Variants in PXN observed in about 807,000 individuals in gnomAD.
The protein encoded by PXN is testicular tissue protein Li 134.
In PXN, 61 loss-of-function variants were observed where a neutral mutation model predicts 103.6. The observed-to-expected ratio is 0.59, with a 90% CI of 0.48 to 0.73. The LOEUF (loss-of-function observed/expected upper bound fraction) is 0.73. Ranked by LOEUF, PXN falls within the 30% of genes least tolerant of loss-of-function variation. PXN has a pLI of 0.00. For missense variants in PXN, 1,274 were observed against 1,460.3 expected (o/e 0.87, Z 2.08); for synonymous variants, 562 against 607.8 (o/e 0.92, Z 1.11).
chr12:120,252,269 G>A (rs1892312952), intron 1 of PXN, among the ~76,000 whole-genome samples: 1 of 152,160 alleles, frequency 6.6e-6, no homozygotes, highest in Non-Finnish European at 1.5e-5. Context: ...AGTGCTTGGT[G>A]GCAAGGGGTA....
In PXN at chr12:120,228,537, C is replaced by T. The variant is rs1201313241; in HGVS notation, c.14-4160G>A. 6.6e-6 allele frequency among the ~76,000 whole-genome samples: 1 copy of T among 152,238 alleles called. No individual in the cohort carries two copies. The highest frequency in any genetic ancestry group is 6.5e-5 in the Admixed American group (1 of 15,288). The stretch of plus-strand genomic sequence containing the variant: ...CCACCAGAGGGCACCATTGGCCCGT[C>T]AGCTTCTTGCCACTGGGTAACCTCG... On this transcript the variant is annotated intron_variant, in intron 1 of 14. Transcript: ENST00000637617. This position sits in a 1 kb window ranked among gnomAD's most constrained non-coding sequence, Gnocchi z 4.7.
In PXN at chr12:120,224,437, C is replaced by G. The variant is rs1162462034; in HGVS notation, c.14-60G>C. ...CGGGATCCTGGGGACTCTCCCGTGG[C>G]AGGGCCCTCCCTGCCTGCACCTCAA... On this transcript the variant is annotated intron_variant, in intron 1 of 14. Transcript: ENST00000637617. The surrounding 1 kb of genome is among the most constrained non-coding windows in gnomAD (Gnocchi z 5.0). The G allele has an allele frequency of 8.0e-7, 1 of 1,254,100 alleles. No individual in the cohort carries two copies. Among genetic ancestry groups the G allele is most frequent in the Non-Finnish European group, 1.2e-6 (1 of 854,330 alleles). The allele number at this position is 1,254,100 out of a possible 1,614,324, so 77.7% of individuals were successfully genotyped here. A position where few individuals can be genotyped will look rare whatever the true frequency, so the allele number is the denominator to read the frequency against.
Position 120,224,044 on chromosome 12 carries a change from C to T in PXN, c.240+107G>A, listed in dbSNP as rs1437031894. The T allele has an allele frequency of 5.5e-5, 52 of 953,744 alleles. 1 individual carries two copies. Among genetic ancestry groups the T allele is most frequent in the South Asian group, 3.9e-4 (23 of 59,488 alleles). The allele number at this position is 953,744 out of a possible 1,614,324, so 59.1% of individuals were successfully genotyped here. On this transcript the variant is annotated intron_variant, in intron 2 of 14. Transcript: ENST00000637617. This position sits in a 1 kb window ranked among gnomAD's most constrained non-coding sequence, Gnocchi z 5.0. Reference sequence around the variant, plus strand: ...AGAGCAGTGTCTGGTTGGGAAGGGTCGACTGCCCCAATTCCATTCCATCCC... The same window carrying T: ...AGAGCAGTGTCTGGTTGGGAAGGGTTGACTGCCCCAATTCCATTCCATCCC...
chr12:120,238,972 G>C (rs1168300859), intron 1 of PXN, among the ~76,000 whole-genome samples: 1 of 152,200 alleles, frequency 6.6e-6, no homozygotes, highest in African/African-American at 2.4e-5. Flanking sequence ...GCAACACAGG[G>C]AGCTTCGTGG....
At chr12:120,254,995 G>C (rs925039975) in intron 1 of PXN, among the ~76,000 whole-genome samples, 1 of 152,228 alleles carries the variant, frequency 6.6e-6, no homozygotes. Context: ...GCCTGGGAGA[G>C]TGAAAAGGAA....
At position 120,228,964 on chromosome 12, in the gene PXN, A is replaced by G. The variant is rs1887468709; in HGVS notation, c.14-4587T>C. Among the ~76,000 whole-genome samples, 1 of 152,162 alleles carries G rather than the reference A, an allele frequency of 6.6e-6. No individual in the cohort carries two copies. The highest frequency in any genetic ancestry group is 1.5e-5 in the Non-Finnish European group (1 of 68,020). ...GCCCTTCCCTGGGCCTCAGCAACTG[A>G]CTGAGCGTAATCCTTACAACCGGTG... On this transcript the variant is annotated intron_variant, in intron 1 of 14. Coordinates refer to ENST00000637617, the MANE Select transcript of PXN (RefSeq NM_001385981.1). This position sits in a 1 kb window ranked among gnomAD's most constrained non-coding sequence, Gnocchi z 4.7.
At position 120,214,069 on chromosome 12, in the gene PXN, G is replaced by A. The variant is rs1013242382; in HGVS notation, c.2830+67C>T. On this transcript the variant is annotated intron_variant, in intron 13 of 14. Coordinates refer to ENST00000637617, the MANE Select transcript of PXN (RefSeq NM_001385981.1). This position sits in a 1 kb window ranked among gnomAD's most constrained non-coding sequence, Gnocchi z 5.0. ...CCACTCTGACTCCAACCTCAGCAGC[G>A]TCTCCCACCCCCACCTCCCCGGCCC... 6.7e-5 allele frequency: 106 copies of A among 1,571,470 alleles called. No individual in the cohort carries two copies. Among genetic ancestry groups the A allele is most frequent in the Middle Eastern group, 6.7e-4 (4 of 6,010 alleles).
rs2136271232 is a variant in PXN, at chr12:120,220,467, G to A, written c.832-376C>T. 6.6e-6 allele frequency among the ~76,000 whole-genome samples: 1 copy of A among 152,270 alleles called. No homozygotes were observed. The highest frequency in any genetic ancestry group is 2.4e-5 in the African/African-American group (1 of 41,542). ...GGCTGCTGAACCCGCCTCGGACACTGGCCCAACTCGGCCATGTCCCTCCGG... is the reference window on the plus strand; with the variant it reads ...GGCTGCTGAACCCGCCTCGGACACTAGCCCAACTCGGCCATGTCCCTCCGG... On this transcript the variant is annotated intron_variant, in intron 6 of 14. Coordinates refer to ENST00000637617, the MANE Select transcript of PXN (RefSeq NM_001385981.1). This position sits in a 1 kb window ranked among gnomAD's most constrained non-coding sequence, Gnocchi z 6.1.
intron 1 of PXN, among the ~76,000 whole-genome samples, chr12:120,236,476 CTTTT>C (rs1051367345): frequency 6.9e-5 from 9 of 130,692 alleles, no homozygotes; most frequent in Admixed American, 7.9e-5. Flanking sequence ...CCCAGATGAT[CTTTT>C]TTTTTTTTTT....
chr12:120,256,051 G>A lies in PXN; in HGVS notation c.13+9566C>T, dbSNP rs950458447. On this transcript the variant is annotated intron_variant, in intron 1 of 14. Coordinates refer to ENST00000637617, the MANE Select transcript of PXN (RefSeq NM_001385981.1). Reference sequence around the variant, plus strand: ...CATGCCACTGTACTCCATTCTGGGCGGCAGAGCAAGACTCTCTAAAAAACA... The same window carrying A: ...CATGCCACTGTACTCCATTCTGGGCAGCAGAGCAAGACTCTCTAAAAAACA... Among the ~76,000 whole-genome samples, 7 of 151,968 alleles carry A rather than the reference G, an allele frequency of 4.6e-5. No individual in the cohort carries two copies. The East Asian group carries it at 9.7e-4, about 21-fold the overall frequency.
rs117381103 is a variant in PXN at position 120,221,045 on chromosome 12, C to T, written c.831+578G>A. On this transcript the variant is annotated intron_variant, in intron 6 of 14. Coordinates refer to ENST00000637617, the MANE Select transcript of PXN (RefSeq NM_001385981.1). This position sits in a 1 kb window ranked among gnomAD's most constrained non-coding sequence, Gnocchi z 6.6. ...GGGAAGGGCAGGTACCTCGTGCAAG[C>T]CTGGCCCCATGGTTTCCCACAGACA... is the stretch of plus-strand genomic sequence containing the variant. Among the ~76,000 whole-genome samples the T allele has an allele frequency of 7.4e-3, 1,123 of 152,316 alleles. 9 individuals carry two copies. Among genetic ancestry groups the T allele is most frequent in the Middle Eastern group, 0.061 (18 of 294 alleles).
Position 120,214,994 on chromosome 12 carries a change from A to G in PXN, c.2579T>C (p.Val860Ala). 6.2e-7 allele frequency: 1 copy of G among 1,613,276 alleles called. No individual in the cohort carries two copies. The highest frequency in any genetic ancestry group is 8.5e-7 in the Non-Finnish European group (1 of 1,179,572). Reference protein sequence around the residue: ...ACKKPIAGQVVTAMGKTWHPE... With the variant: ...ACKKPIAGQVATAMGKTWHPE... Reference sequence around the variant, plus strand: ...GTGCCACGTCTTCCCCATGGCGGTCACAACCTGAGGAGGAGATGGAATGCG... The same window carrying G: ...GTGCCACGTCTTCCCCATGGCGGTCGCAACCTGAGGAGGAGATGGAATGCG... The change falls in exon 12 of 15, where the codon GTG becomes GCG. Residue 860 changes from valine (V) to alanine (A), a missense_variant. Transcript: ENST00000637617. This position sits in a 1 kb window ranked among gnomAD's most constrained non-coding sequence, Gnocchi z 5.0.
intron 1 of PXN, among the ~76,000 whole-genome samples, chr12:120,258,029 C>T (rs914280709): frequency 1.3e-5 from 2 of 152,066 alleles, no homozygotes; most frequent in Non-Finnish European, 2.9e-5. Context: ...CCCATCTCTA[C>T]TAAAATTACA....
chr12:120,227,991 C>T (rs1887246270), intron 1 of PXN, among the ~76,000 whole-genome samples: 1 of 152,190 alleles, frequency 6.6e-6, no homozygotes, highest in African/African-American at 2.4e-5. Flanking sequence ...CCCCAGTGTC[C>T]GGCTCCAGCC....
chr12:120,211,985 G>C lies in PXN; in HGVS notation c.*329C>G, dbSNP rs1203859116. On this transcript the variant is annotated 3_prime_UTR_variant, in exon 15 of 15. Coordinates refer to ENST00000637617, the MANE Select transcript of PXN (RefSeq NM_001385981.1). The stretch of plus-strand genomic sequence containing the variant: ...GGCTGCACTGCTGAAATATGAGGAA[G>C]AGATGGCTCCAGTGTGGGGTGCTGG... The C allele has an allele frequency of 1.7e-6, 1 of 599,234 alleles. No individual in the cohort carries two copies. Among genetic ancestry groups the C allele is most frequent in the South Asian group, 1.4e-5 (1 of 72,302 alleles). 37.1% of individuals were successfully genotyped at this position (599,234 alleles called of 1,614,324 possible). A position where few individuals can be genotyped will look rare whatever the true frequency, so the allele number is the denominator to read the frequency against.
chr12:120,240,324 C>T (rs1324606847), intron 1 of PXN, among the ~76,000 whole-genome samples: 2 of 152,078 alleles, frequency 1.3e-5, no homozygotes, highest in Non-Finnish European at 2.9e-5. Context: ...CCCTGATTGC[C>T]CCACCAGAGC....
chr12:120,226,902 T>TG (rs1566400616), intron 1 of PXN: 4 of 992,526 alleles, frequency 4.0e-6, no homozygotes, highest in Non-Finnish European at 4.8e-6. Flanking sequence ...AGACATCAGT[T>TG]GCAAATATCA....
intron 1 of PXN, among the ~76,000 whole-genome samples, chr12:120,244,163 T>C (rs1337054901): frequency 6.8e-6 from 1 of 147,614 alleles, no homozygotes; most frequent in East Asian, 2.0e-4. Context: ...TCCCATCTAC[T>C]GTGATCTAGT....
At chr12:120,242,079 G>A (rs761162732) in intron 1 of PXN, among the ~76,000 whole-genome samples, 3 of 152,132 alleles carry the variant, frequency 2.0e-5, no homozygotes, top group Non-Finnish European at 2.9e-5. Context: ...GGTAATGACG[G>A]TAACAAGGAT....
Sources: allele counts gnomAD v4.1 joint callset (sites outside exome capture counted in the v4.1 genomes callset), GRCh38; gene constraint gnomAD v4.1.1; non-coding constraint Gnocchi (gnomAD v3.1); transcripts MANE v1.5; gene names NCBI Gene and HGNC (gene_info 2026-07-23, HGNC 2026-07-21).